The following NRXN1 variants were observed in gnomAD, a reference collection of about 807,000 sequenced individuals.
NRXN1 encodes the protein neurexin 1, also known as neurexin-1.
NRXN1 carries 39 observed loss-of-function variants against 150.9 expected under a neutral mutation model. That is an observed-to-expected ratio of 0.26 (90% CI 0.20 to 0.34). The LOEUF (loss-of-function observed/expected upper bound fraction) is 0.34, where lower values mean the gene tolerates loss of function less well. NRXN1 is among the 10% of genes least tolerant of loss of function. The pLI is 1.00. For synonymous variants in NRXN1, 924 were observed against 757.0 expected, an observed-to-expected ratio of 1.22 and a Z score of -3.62; for missense variants, 1,815 against 1,949.9, an observed-to-expected ratio of 0.93 and a Z score of 1.30.
At chr2:49,973,676 G>T in intron 21 of NRXN1, 1 of 402,390 alleles carries the variant, frequency 2.5e-6, no homozygotes, top group Non-Finnish European at 4.4e-6. Flanking sequence ...CAAGCATGCT[G>T]ATAAACCCCT....
chr2:50,342,216 C>A (rs918525550), intron 17 of NRXN1, among the ~76,000 whole-genome samples: 2 of 152,126 alleles, frequency 1.3e-5, no homozygotes, highest in African/African-American at 2.4e-5. Flanking sequence ...TTTTGGGCAA[C>A]CAAAAAATTA....
At chr2:50,042,976 C>T (rs1490460148) in intron 21 of NRXN1, among the ~76,000 whole-genome samples, 4 of 151,948 alleles carry the variant, frequency 2.6e-5, no homozygotes, top group South Asian at 2.1e-4. Context: ...CAGGTACAGT[C>T]GCAAAACAAG....
chr2:50,669,920 T>C (rs1193598673), intron 5 of NRXN1, among the ~76,000 whole-genome samples: 1 of 151,348 alleles, frequency 6.6e-6, no homozygotes, highest in Non-Finnish European at 1.5e-5. Context: ...AATAGTAATC[T>C]CCAAAAAGGC....
chr2:50,295,288 G>A (rs888362477), intron 17 of NRXN1, among the ~76,000 whole-genome samples: 39 of 152,214 alleles, frequency 2.6e-4, no homozygotes, highest in African/African-American at 8.9e-4. Flanking sequence ...TTGATTATAA[G>A]GAACCAAGAG....
intron 17 of NRXN1, among the ~76,000 whole-genome samples, chr2:50,323,495 C>A (rs2076181646): frequency 1.3e-5 from 2 of 151,884 alleles, no homozygotes; most frequent in African/African-American, 4.8e-5. Flanking sequence ...TGAAAGAATG[C>A]AGAGGCCCCT....
intron 5 of NRXN1, among the ~76,000 whole-genome samples, chr2:50,802,354 T>C (rs1010563426): frequency 2.0e-5 from 3 of 151,964 alleles, no homozygotes; most frequent in African/African-American, 4.8e-5. Flanking sequence ...TAGTGGAGCA[T>C]GGTGGTGGGT....
chr2:50,141,412 G>A (rs961473462), intron 18 of NRXN1, among the ~76,000 whole-genome samples: 8 of 151,960 alleles, frequency 5.3e-5, no homozygotes, highest in African/African-American at 7.2e-5. Flanking sequence ...AAGATTTTAC[G>A]GCTAAGTCCT....
intron 11 of NRXN1, among the ~76,000 whole-genome samples, chr2:50,529,778 T>A (rs1028457198): frequency 2.0e-5 from 3 of 152,192 alleles, no homozygotes; most frequent in African/African-American, 7.2e-5. Flanking sequence ...CGATTTGTTT[T>A]GATTGGCTTG....
intron 21 of NRXN1, among the ~76,000 whole-genome samples, chr2:50,043,624 T>C (rs1181916463): frequency 6.6e-6 from 1 of 152,196 alleles, no homozygotes; most frequent in Non-Finnish European, 1.5e-5. Context: ...TTTCAAAACA[T>C]ACTCAGGGAC....
At chr2:50,997,474 G>C (rs1699478999) in intron 2 of NRXN1, among the ~76,000 whole-genome samples, 1 of 106,500 alleles carries the variant, frequency 9.4e-6, no homozygotes, top group East Asian at 2.5e-4. Context: ...AAAGGAAATA[G>C]CTCCAACTTT....
intron 22 of NRXN1, among the ~76,000 whole-genome samples, chr2:49,922,910 A>G (rs936255276): frequency 2.0e-5 from 3 of 152,164 alleles, no homozygotes; most frequent in Non-Finnish European, 2.9e-5. Context: ...CCCAAGATGA[A>G]CTTTGGAGGA....
At chr2:50,217,687 C>G (rs550007728) in intron 18 of NRXN1, among the ~76,000 whole-genome samples, 1 of 151,962 alleles carries the variant, frequency 6.6e-6, no homozygotes, top group Admixed American at 6.6e-5. Context: ...GTCAACAGAA[C>G]GCCTGGTTGA....
At chr2:50,898,569 C>A in intron 5 of NRXN1, 1 of 477,890 alleles carries the variant, frequency 2.1e-6, no homozygotes, top group Admixed American at 2.2e-5. Context: ...GAAAATGAAA[C>A]GGGATATTGT....
At chr2:50,288,886 C>T (rs1426019729) in intron 17 of NRXN1, among the ~76,000 whole-genome samples, 2 of 152,042 alleles carry the variant, frequency 1.3e-5, no homozygotes, top group East Asian at 3.9e-4. Flanking sequence ...GAGATAGCTC[C>T]ATGAATTAAA....
At chr2:50,819,904 T>C (rs1373656539) in intron 5 of NRXN1, among the ~76,000 whole-genome samples, 1 of 152,116 alleles carries the variant, frequency 6.6e-6, no homozygotes, top group East Asian at 1.9e-4. Flanking sequence ...ATAATTCCTG[T>C]GTTTGCCATT....
chr2:50,708,658 C>T (rs1457743626), intron 5 of NRXN1, among the ~76,000 whole-genome samples: 1 of 151,750 alleles, frequency 6.6e-6, no homozygotes, highest in African/African-American at 2.4e-5. Flanking sequence ...TAAGACAACC[C>T]AATAAAGTGT....
chr2:50,242,381 G>A (rs1343264381), intron 17 of NRXN1, among the ~76,000 whole-genome samples: 2 of 151,734 alleles, frequency 1.3e-5, no homozygotes, highest in Non-Finnish European at 3.0e-5. Context: ...CTAAACTGAT[G>A]AAACAGAATC....
intron 5 of NRXN1, among the ~76,000 whole-genome samples, chr2:50,651,862 T>C (rs1234007578): frequency 1.5e-4 from 23 of 151,946 alleles, no homozygotes; most frequent in East Asian, 1.9e-4. Flanking sequence ...TGCACAACAA[T>C]AGTCTACCCA....
At chr2:51,025,011 C>G (rs144775141) in intron 2 of NRXN1, among the ~76,000 whole-genome samples, 2 of 152,044 alleles carry the variant, frequency 1.3e-5, no homozygotes, top group African/African-American at 4.8e-5. Context: ...CATCCATTCT[C>G]AATTAATTAT....
Sources: allele counts gnomAD v4.1 joint callset (sites outside exome capture counted in the v4.1 genomes callset), GRCh38; gene constraint gnomAD v4.1.1; transcripts MANE v1.5; gene names NCBI Gene and HGNC (gene_info 2026-07-23, HGNC 2026-07-21).